PSG5: variants seen among roughly 807,000 people sequenced by gnomAD.
PSG5 encodes pregnancy-specific beta-1-glycoprotein 5.
PSG5 carries 53 observed loss-of-function variants against 37.7 expected under a neutral mutation model. That is an observed-to-expected ratio of 1.41 (90% CI 1.13 to 1.77). The LOEUF (loss-of-function observed/expected upper bound fraction) is 1.77, where lower values mean the gene tolerates loss of function less well. Ranked by LOEUF, PSG5 falls within the 40% of genes most tolerant of loss-of-function variation. The pLI is 0.00. For missense variants in PSG5, 547 were observed against 405.2 expected, an observed-to-expected ratio of 1.35 and a Z score of -3.00; for synonymous variants, 221 against 155.4, an observed-to-expected ratio of 1.42 and a Z score of -3.14.
At chr19:43,176,745 G>A (rs984108974) in intron 2 of PSG5, among the ~76,000 whole-genome samples, 17 of 150,508 alleles carry the variant, frequency 1.1e-4, no homozygotes, top group Non-Finnish European at 2.1e-4. Context: ...GTGGGGCAGT[G>A]TTTTGCAGGT....
rs751578427 is a variant in PSG5, at chr19:43,184,969, T to G, written c.243A>C (p.Ser81=). Residue 81 remains serine (S), a synonymous_variant, in exon 2 of 6, where the codon TCA becomes TCC. Transcript: ENST00000342951. Reference sequence around the variant, plus strand: ...TATTTATTTGACCGTCTACTACATATGATGTAATGTAATGGTAGAGGTCCA... The same window carrying G: ...TATTTATTTGACCGTCTACTACATAGGATGTAATGTAATGGTAGAGGTCCA... ...QLMDLYHYIT[S]YVVDGQINIY... 3.1e-6 allele frequency: 5 copies of G among 1,612,226 alleles called. No homozygotes were observed. Among genetic ancestry groups the G allele is most frequent in the Non-Finnish European group, 4.2e-6 (5 of 1,178,996 alleles).
At chr19:43,175,124 C>T in intron 4 of PSG5, 91 bp downstream of exon 4, 1 of 1,607,804 alleles carries the variant, frequency 6.2e-7, no homozygotes, top group Non-Finnish European at 8.5e-7. Flanking sequence ...GGGACACAGG[C>T]TGGGAATAAA....
At position 43,184,984 on chromosome 19, in the gene PSG5, G is replaced by A. The variant is rs780156326; in HGVS notation, c.228C>T (p.Tyr76=). Residue 76 remains tyrosine, a synonymous_variant, in exon 2 of 6, where the codon TAC becomes TAT. Transcript: ENST00000342951. ...IWYKGQLMDL[Y]HYITSYVVDG... The stretch of plus-strand genomic sequence containing the variant: ...CTACTACATATGATGTAATGTAATG[G>A]TAGAGGTCCATCAGTTGTCCTTTGT... 6.2e-7 allele frequency: 1 copy of A among 1,612,484 alleles called. No homozygotes were observed.
At chr19:43,181,599 C>G (rs1031899763) in intron 2 of PSG5, among the ~76,000 whole-genome samples, 7 of 151,814 alleles carry the variant, frequency 4.6e-5, no homozygotes, top group African/African-American at 1.7e-4. Flanking sequence ...GCTGGGACTA[C>G]AGGCATCCGC....
chr19:43,182,898 T>C (rs15909), intron 2 of PSG5, among the ~76,000 whole-genome samples: 3,260 of 147,924 alleles, frequency 0.022, 110 homozygotes, highest in Admixed American at 0.04. Flanking sequence ...AGATGAAGCC[T>C]GGCAGGAGTG....
At position 43,175,357 on chromosome 19, in the gene PSG5, T is replaced by A; in HGVS notation, c.822A>T (p.Thr274=). The change falls in exon 4 of 6, where the codon ACA becomes ACT. Residue 274 remains threonine (T), a synonymous_variant. Coordinates refer to ENST00000342951, the MANE Select transcript of PSG5 (RefSeq NM_002781.4). The stretch of plus-strand genomic sequence containing the variant: ...CTGATTGCTGAAACTTCCCATTAAT[T>A]GTCCAAAAATACTCTGCCGGTGGGT... ...ESNPPAEYFW[T]INGKFQQSGQ... 6.2e-7 allele frequency: 1 copy of A among 1,612,800 alleles called. No individual in the cohort carries two copies. The highest frequency in any genetic ancestry group is 8.5e-7 in the Non-Finnish European group (1 of 1,179,246).
intron 2 of PSG5, chr19:43,183,583 G>C (rs1027688738): frequency 1.2e-5 from 5 of 424,426 alleles, no homozygotes; most frequent in South Asian, 8.9e-5. Context: ...AGATCTGAGG[G>C]GGAGGCCTGG....
chr19:43,183,469 G>A lies in PSG5; in HGVS notation c.430+1313C>T, dbSNP rs182991481. On this transcript the variant is annotated intron_variant, in intron 2 of 5. Transcript: ENST00000342951. ...TCTCGCTGGGCCTGTGCTGGAGCAG[G>A]GTCTGAGTGGGGAAAGAAAACAAAG... The A allele has an allele frequency of 1.5e-4, 79 of 529,192 alleles. 1 individual carries two copies. Among genetic ancestry groups the A allele is most frequent in the Non-Finnish European group, 2.7e-4 (70 of 259,130 alleles). 32.8% of individuals were successfully genotyped at this position (529,192 alleles called of 1,614,324 possible).
intron 2 of PSG5, among the ~76,000 whole-genome samples, chr19:43,180,102 A>C (rs1969096370): frequency 6.6e-6 from 1 of 151,700 alleles, no homozygotes; most frequent in African/African-American, 2.4e-5. Flanking sequence ...CTCATTAGAC[A>C]TTCTACTCTC....
intron 2 of PSG5, among the ~76,000 whole-genome samples, chr19:43,180,981 A>G (rs1051023646): frequency 1.3e-5 from 2 of 151,722 alleles, no homozygotes; most frequent in Admixed American, 6.6e-5. Context: ...CAGGTATGTG[A>G]AATGCTTTCT....
chr19:43,176,810 G>C (rs1969021477), intron 2 of PSG5, among the ~76,000 whole-genome samples: 1 of 150,658 alleles, frequency 6.6e-6, no homozygotes, highest in African/African-American at 2.5e-5. Flanking sequence ...CAGAGTGCAA[G>C]GAATGATCTA....
Position 43,175,207 on chromosome 19 carries a change from C to T in PSG5, c.964+8G>A. 6.2e-7 allele frequency: 1 copy of T among 1,612,588 alleles called. No homozygotes were observed. The highest frequency in any genetic ancestry group is 1.3e-5 in the African/African-American group (1 of 74,690). ...ACCCTATTGCCAAGGATGCTGGGATCCACTTACCAGAGACTTCGACTGTCA... is the reference window on the plus strand; with the variant it reads ...ACCCTATTGCCAAGGATGCTGGGATTCACTTACCAGAGACTTCGACTGTCA... On this transcript the variant is annotated splice_region_variant and intron_variant, in intron 4 of 5. Coordinates refer to ENST00000342951, the MANE Select transcript of PSG5 (RefSeq NM_002781.4).
chr19:43,171,066 A>G (rs1968895943), intron 4 of PSG5: 1 of 151,518 alleles, frequency 6.6e-6, no homozygotes. Context: ...CTTTACCTGT[A>G]TCTCATTTAA....
Position 43,185,166 on chromosome 19 carries a change from A to G in PSG5, c.65-19T>C, listed in dbSNP as rs1328999576. On this transcript the variant is annotated intron_variant, in intron 1 of 5. Transcript: ENST00000342951. ...AGTGATGCTAGGAGGTGGAGAAAGCACCAGTCAATATTGAGACCTGTGTAT... is the reference window on the plus strand; with the variant it reads ...AGTGATGCTAGGAGGTGGAGAAAGCGCCAGTCAATATTGAGACCTGTGTAT... 6.3e-7 allele frequency: 1 copy of G among 1,583,180 alleles called. No homozygotes were observed. Among genetic ancestry groups the G allele is most frequent in the Admixed American group, 1.7e-5 (1 of 58,024 alleles).
intron 2 of PSG5, chr19:43,178,876 C>T: frequency 1.2e-6 from 2 of 1,612,866 alleles, no homozygotes; most frequent in Non-Finnish European, 8.5e-7. Context: ...AGAGGATACT[C>T]ACGGAGGAGA....
In PSG5 at chr19:43,175,869, C is replaced by T. The variant is rs761414147; in HGVS notation, c.709+1G>A. 1 of 1,612,276 alleles carries T rather than the reference C, an allele frequency of 6.2e-7. No homozygotes were observed. The highest frequency in any genetic ancestry group is 1.3e-5 in the African/African-American group (1 of 74,490). On this transcript the variant is annotated splice_donor_variant, in intron 3 of 5. Transcript: ENST00000342951. LOFTEE classifies it high-confidence loss of function. ...CCCACAGAGGAACAAAAGATACTCACAGAGGACATTCAGGGTGACTGGGTC... is the reference window on the plus strand; with the variant it reads ...CCCACAGAGGAACAAAAGATACTCATAGAGGACATTCAGGGTGACTGGGTC...
At chr19:43,174,838 T>C in intron 4 of PSG5, 1 of 1,177,626 alleles carries the variant, frequency 8.5e-7, no homozygotes, top group East Asian at 2.8e-5. Context: ...AGATGTTCCT[T>C]GTAGCTCATG....
At position 43,171,983 on chromosome 19, in the gene PSG5, CA is replaced by C. The variant is rs60198220; in HGVS notation, c.965-1846del. Among the ~76,000 whole-genome samples, 717 of 105,094 alleles carry C rather than the reference CA, an allele frequency of 6.8e-3. 8 individuals are homozygous for C. The highest frequency in any genetic ancestry group is 0.018 in the African/African-American group (509 of 27,892). The allele number at this position is 105,094 out of a possible 152,430, so 68.9% of individuals were successfully genotyped here. A position where few individuals can be genotyped will look rare whatever the true frequency, so the allele number is the denominator to read the frequency against. ...CATAGTGAGAGCCCGTCCCTCTCTT[CA>C]AAAAAAAAAAAAAAGAAAAAGAAAG... On this transcript the variant is annotated intron_variant, in intron 4 of 5. Coordinates refer to ENST00000342951, the MANE Select transcript of PSG5 (RefSeq NM_002781.4).
At chr19:43,185,313 G>A (rs1233769639) in intron 1 of PSG5, among the ~76,000 whole-genome samples, 166 bp from the exon 2 acceptor site, 7 of 151,070 alleles carry the variant, frequency 4.6e-5, no homozygotes, top group Non-Finnish European at 7.4e-5. Context: ...GTGTGTGTAT[G>A]TGTGTGTGTC....
Sources: gnomAD v4.1 joint callset for allele counts (sites outside exome capture counted in the v4.1 genomes callset) on GRCh38, gnomAD v4.1.1 for gene constraint, MANE v1.5 for transcripts, NCBI Gene and HGNC (gene_info 2026-07-23, HGNC 2026-07-21) for gene names.